The following SV2B variants were observed in gnomAD, a reference collection of about 807,000 sequenced individuals.
The protein encoded by SV2B is solute carrier family 22 member B2.
A neutral mutation model predicts 73.9 loss-of-function variants in SV2B; 41 were observed. The observed-to-expected ratio is 0.56, with a 90% CI of 0.43 to 0.72. SV2B has a LOEUF of 0.72. SV2B is among the 30% of genes least tolerant of loss of function. The pLI is 0.00. For missense variants in SV2B, 764 were observed against 857.8 expected, an observed-to-expected ratio of 0.89 and a Z score of 1.37; for synonymous variants, 314 against 314.2, an observed-to-expected ratio of 1.00 and a Z score of 0.01.
intron 6 of SV2B, among the ~76,000 whole-genome samples, chr15:91,263,221 CAG>C (rs1274455275): frequency 8.4e-6 from 1 of 119,664 alleles, no homozygotes; most frequent in East Asian, 2.0e-4. Context: ...CACATGAACA[CAG>C]ACACACAGAC....
chr15:91,259,910 T>C (rs546874564), intron 5 of SV2B, among the ~76,000 whole-genome samples: 2 of 152,322 alleles, frequency 1.3e-5, no homozygotes, highest in Admixed American at 6.5e-5. Context: ...TCACTCTCTG[T>C]GGTACTGGGG....
intron 11 of SV2B, among the ~76,000 whole-genome samples, chr15:91,286,119 C>G (rs1176091755): frequency 6.6e-6 from 1 of 152,180 alleles, no homozygotes; most frequent in African/African-American, 2.4e-5. Context: ...TTGTTAAGAG[C>G]TGAGACAGGA....
chr15:91,203,755 T>C (rs1355618500), intron 1 of SV2B, among the ~76,000 whole-genome samples: 1 of 152,196 alleles, frequency 6.6e-6, no homozygotes, highest in African/African-American at 2.4e-5. Context: ...GGGGGACTTT[T>C]GTCAAGTTCC....
In SV2B at chr15:91,106,410, A is replaced by G. The variant is rs998808667; in HGVS notation, c.-392+6047A>G. 6.6e-6 allele frequency among the ~76,000 whole-genome samples: 1 copy of G among 152,296 alleles called. No individual in the cohort carries two copies. ...TTGTCTGGCACATTGTATATCCTCA[A>G]TGGATATGTACTGAATGAGTGAATG... On this transcript the variant is annotated intron_variant, in intron 1 of 12. Coordinates refer to ENST00000394232, the MANE Select transcript of SV2B (RefSeq NM_001323032.3). This position sits in a 1 kb window ranked among gnomAD's most constrained non-coding sequence, Gnocchi z 4.4.
At chr15:91,243,887 GGGC>G (rs2047121699) in intron 2 of SV2B, among the ~76,000 whole-genome samples, 2 of 152,144 alleles carry the variant, frequency 1.3e-5, no homozygotes, top group African/African-American at 4.8e-5. Context: ...CTTCCAGGAG[GGGC>G]GGTTCTGCTC....
intron 1 of SV2B, among the ~76,000 whole-genome samples, chr15:91,191,059 G>GTTTTTTTTTTTTTTT (rs1161482690): frequency 7.0e-4 from 42 of 59,712 alleles, no homozygotes; most frequent in East Asian, 2.7e-3. Flanking sequence ...TTTTTTTGGT[G>GTTTTTTTTTTTTTTT]TTTCTTTTTT....
At chr15:91,161,148 A>T (rs1219939520) in intron 1 of SV2B, among the ~76,000 whole-genome samples, 1 of 152,226 alleles carries the variant, frequency 6.6e-6, no homozygotes, top group Non-Finnish European at 1.5e-5. Flanking sequence ...GGCTGGAAAG[A>T]CAGCAGAAAG....
chr15:91,113,262 C>T (rs1263393019), intron 1 of SV2B, among the ~76,000 whole-genome samples: 1 of 152,228 alleles, frequency 6.6e-6, no homozygotes, highest in Non-Finnish European at 1.5e-5. Context: ...GGCCACGTAA[C>T]AGTTTTGTTG....
intron 1 of SV2B, among the ~76,000 whole-genome samples, chr15:91,148,806 A>G (rs2043222868): frequency 6.6e-6 from 1 of 152,168 alleles, no homozygotes; most frequent in Non-Finnish European, 1.5e-5. Flanking sequence ...GTCCCAGCTC[A>G]AAGACAGTCA....
chr15:91,111,080 A>G (rs769628648), intron 1 of SV2B, among the ~76,000 whole-genome samples: 114 of 152,162 alleles, frequency 7.5e-4, no homozygotes, highest in Non-Finnish European at 1.5e-3. Context: ...CTGTGGCAGA[A>G]AAGCTGTGCT....
chr15:91,201,137 C>G (rs576639900), intron 1 of SV2B, among the ~76,000 whole-genome samples: 110 of 152,236 alleles, frequency 7.2e-4, no homozygotes, highest in African/African-American at 2.6e-3. Context: ...CCACCTGACT[C>G]CCTCCTTTCA....
At chr15:91,278,709 C>T (rs1005534693) in intron 9 of SV2B, among the ~76,000 whole-genome samples, 5 of 145,962 alleles carry the variant, frequency 3.4e-5, no homozygotes, top group Admixed American at 3.4e-4. Context: ...AGAAGTTACA[C>T]AGATATTCAG....
Position 91,267,689 on chromosome 15 carries a change from G to A in SV2B, c.1208+46G>A. ...ATTTCGTAATTCCCTGTGCCTCAGTGGCCTCCTTTACACATTGAGGATTAC... is the reference window on the plus strand; with the variant it reads ...ATTTCGTAATTCCCTGTGCCTCAGTAGCCTCCTTTACACATTGAGGATTAC... On this transcript the variant is annotated intron_variant, in intron 8 of 12. Coordinates refer to ENST00000394232, the MANE Select transcript of SV2B (RefSeq NM_001323032.3). This position sits in a 1 kb window ranked among gnomAD's most constrained non-coding sequence, Gnocchi z 4.3. The A allele has an allele frequency of 1.4e-6, 2 of 1,445,316 alleles. No homozygotes were observed. Among genetic ancestry groups the A allele is most frequent in the Non-Finnish European group, 1.9e-6 (2 of 1,039,106 alleles). 89.5% of individuals were successfully genotyped at this position (1,445,316 alleles called of 1,614,324 possible).
intron 1 of SV2B, among the ~76,000 whole-genome samples, chr15:91,212,274 G>T (rs2045894532): frequency 1.3e-5 from 2 of 152,070 alleles, no homozygotes; most frequent in Non-Finnish European, 2.9e-5. Flanking sequence ...TTCTTCCTTG[G>T]GCTTACCCCA....
chr15:91,176,609 T>A (rs892815486), intron 1 of SV2B, among the ~76,000 whole-genome samples: 2 of 152,096 alleles, frequency 1.3e-5, no homozygotes, highest in Non-Finnish European at 2.9e-5. Flanking sequence ...GGTATCTCAT[T>A]GTGGTTTTGA....
chr15:91,149,944 G>C (rs746717348), intron 1 of SV2B, among the ~76,000 whole-genome samples: 5 of 152,182 alleles, frequency 3.3e-5, no homozygotes, highest in Non-Finnish European at 5.9e-5. Context: ...CTTCTGATGG[G>C]AGTATGTAGC....
At chr15:91,210,305 G>A (rs749056785) in intron 1 of SV2B, among the ~76,000 whole-genome samples, 13 of 152,042 alleles carry the variant, frequency 8.6e-5, no homozygotes, top group South Asian at 4.2e-4. Flanking sequence ...AGGTGGAGCC[G>A]TAACTGGGCA....
At chr15:91,212,776 A>G (rs915534181) in intron 1 of SV2B, among the ~76,000 whole-genome samples, 3 of 152,046 alleles carry the variant, frequency 2.0e-5, no homozygotes, top group Non-Finnish European at 4.4e-5. Flanking sequence ...AAACACAGTG[A>G]GACCCTGTCT....
intron 2 of SV2B, among the ~76,000 whole-genome samples, chr15:91,247,448 C>T (rs547561116): frequency 5.0e-4 from 76 of 152,200 alleles, no homozygotes; most frequent in Middle Eastern, 3.4e-3. Context: ...ATGGGTGAAA[C>T]GCTTTTGAAA....
Sources: allele counts gnomAD v4.1 joint callset (sites outside exome capture counted in the v4.1 genomes callset), GRCh38; gene constraint gnomAD v4.1.1; non-coding constraint Gnocchi (gnomAD v3.1); transcripts MANE v1.5; gene names NCBI Gene and HGNC (gene_info 2026-07-23, HGNC 2026-07-21).